The following TMEM163 variants were observed in gnomAD, a reference collection of about 807,000 sequenced individuals.
TMEM163 encodes the protein transmembrane protein 163.
TMEM163 carries 17 observed loss-of-function variants against 29.3 expected under a neutral mutation model. That is an observed-to-expected ratio of 0.58 (90% CI 0.40 to 0.87). The LOEUF (loss-of-function observed/expected upper bound fraction) is 0.87. TMEM163 is among the 40% of genes least tolerant of loss of function. TMEM163 has a pLI of 0.00. For synonymous variants in TMEM163, 157 were observed against 160.6 expected (o/e 0.98, Z 0.17); for missense variants, 303 against 381.5 (o/e 0.79, Z 1.71).
intron 2 of TMEM163, among the ~76,000 whole-genome samples, chr2:134,659,883 G>T (rs188860252): frequency 2.8e-4 from 42 of 151,982 alleles, no homozygotes; most frequent in Non-Finnish European, 4.6e-4. Flanking sequence ...GCTGCAGTGA[G>T]CTACAACCAC....
intron 1 of TMEM163, among the ~76,000 whole-genome samples, chr2:134,718,432 A>G (rs1334256472): frequency 6.6e-6 from 1 of 152,210 alleles, no homozygotes; most frequent in African/African-American, 2.4e-5. Flanking sequence ...CCTCCCGCAA[A>G]CTTTTCCCGT....
rs565478438 is a variant in TMEM163, at chr2:134,669,836, G to C, written c.322+43364C>G. Among the ~76,000 whole-genome samples, 25 of 152,284 alleles carry C rather than the reference G, an allele frequency of 1.6e-4. No homozygotes were observed. In the South Asian group the frequency reaches 5.2e-3, roughly 32 times the overall value. On this transcript the variant is annotated intron_variant, in intron 2 of 7. Transcript: ENST00000281924. ...GCCACCATGCTAGAGGGATGAGGTG[G>C]AAAGACTACGAGAAGAGAGATGGAC...
chr2:134,594,046 C>A (rs1204104545), intron 2 of TMEM163, among the ~76,000 whole-genome samples: 2 of 151,898 alleles, frequency 1.3e-5, no homozygotes, highest in Non-Finnish European at 2.9e-5. Flanking sequence ...AATGAAGAGA[C>A]AAGAAACAAA....
At chr2:134,599,831 C>T (rs1029448743) in intron 2 of TMEM163, among the ~76,000 whole-genome samples, 10 of 151,920 alleles carry the variant, frequency 6.6e-5, no homozygotes, top group Non-Finnish European at 1.3e-4. Flanking sequence ...CCACACCCAC[C>T]CATCCTATTC....
At chr2:134,501,447 C>A (rs1271626685) in intron 5 of TMEM163, among the ~76,000 whole-genome samples, 1 of 152,186 alleles carries the variant, frequency 6.6e-6, no homozygotes, top group Non-Finnish European at 1.5e-5. Flanking sequence ...ATGAGCCCTG[C>A]TGGAAATTAA....
At chr2:134,577,482 G>GA (rs1372984923) in intron 2 of TMEM163, among the ~76,000 whole-genome samples, 1 of 152,224 alleles carries the variant, frequency 6.6e-6, no homozygotes, top group Non-Finnish European at 1.5e-5. Context: ...GCTGAGGGCT[G>GA]CAGTGAGAGG....
chr2:134,694,015 T>C (rs1335064553), intron 2 of TMEM163, among the ~76,000 whole-genome samples: 2 of 152,176 alleles, frequency 1.3e-5, no homozygotes, highest in East Asian at 3.9e-4. Context: ...CTATCTCTTA[T>C]GAGCTTGGAA....
intron 2 of TMEM163, among the ~76,000 whole-genome samples, chr2:134,643,053 T>C (rs1344664081): frequency 6.6e-6 from 1 of 151,284 alleles, no homozygotes; most frequent in African/African-American, 2.4e-5. Flanking sequence ...GCAAAATAAA[T>C]GAAACAAAAA....
intron 2 of TMEM163, among the ~76,000 whole-genome samples, chr2:134,656,799 A>G (rs1683631065): frequency 6.6e-6 from 1 of 152,200 alleles, no homozygotes; most frequent in Non-Finnish European, 1.5e-5. Context: ...GGTTTTTATC[A>G]TGAAGGGATG....
intron 2 of TMEM163, among the ~76,000 whole-genome samples, chr2:134,693,906 C>G (rs1055269732): frequency 6.6e-6 from 1 of 152,118 alleles, no homozygotes; most frequent in Non-Finnish European, 1.5e-5. Flanking sequence ...CAAAACAACA[C>G]AATAAGCTCG....
intron 2 of TMEM163, among the ~76,000 whole-genome samples, chr2:134,585,463 G>A (rs899561463): frequency 6.6e-6 from 1 of 152,200 alleles, no homozygotes; most frequent in Admixed American, 6.5e-5. Context: ...ACCTGGAATG[G>A]CCGAGTGGGG....
intron 2 of TMEM163, among the ~76,000 whole-genome samples, chr2:134,611,145 G>GT (rs1326218447): frequency 2.0e-5 from 3 of 152,184 alleles, no homozygotes; most frequent in Admixed American, 2.0e-4. Context: ...CCAAAAGTCA[G>GT]TTACTACATC....
intron 4 of TMEM163, among the ~76,000 whole-genome samples, chr2:134,526,790 T>A (rs1680308235): frequency 6.6e-6 from 1 of 152,240 alleles, no homozygotes; most frequent in South Asian, 2.1e-4. Flanking sequence ...AAGTTCCATG[T>A]CTGCTTTTGC....
chr2:134,543,155 G>A (rs16830773), intron 4 of TMEM163, among the ~76,000 whole-genome samples: 1 of 152,014 alleles, frequency 6.6e-6, no homozygotes, highest in Non-Finnish European at 1.5e-5. Flanking sequence ...CCTTCCTCTA[G>A]TGCATCTTAC....
At chr2:134,606,027 C>A (rs975725073) in intron 2 of TMEM163, among the ~76,000 whole-genome samples, 1 of 152,038 alleles carries the variant, frequency 6.6e-6, no homozygotes, top group Non-Finnish European at 1.5e-5. Context: ...ATTGAGTATA[C>A]GCGGGGGGCA....
At chr2:134,681,374 C>T (rs1451452488) in intron 2 of TMEM163, among the ~76,000 whole-genome samples, 1 of 152,206 alleles carries the variant, frequency 6.6e-6, no homozygotes, top group East Asian at 1.9e-4. Context: ...AGCCTCACAG[C>T]TCTTCCCACA....
rs77991877 is a variant in TMEM163, at chr2:134,601,259, C to T, written c.323-49168G>A. ...GTGTAATGCAAAAGCATCATAGGCC[C>T]TAAGCACTTCATCTGTTCTAGCTAA... is the stretch of plus-strand genomic sequence containing the variant. On this transcript the variant is annotated intron_variant, in intron 2 of 7. Coordinates refer to ENST00000281924, the MANE Select transcript of TMEM163 (RefSeq NM_030923.5). 8.1e-3 allele frequency among the ~76,000 whole-genome samples: 1,232 copies of T among 152,232 alleles called. 50 individuals are homozygous for T. Among genetic ancestry groups the T allele is most frequent in the Admixed American group, 0.059 (903 of 15,284 alleles).
At chr2:134,607,658 G>A (rs1558962526) in intron 2 of TMEM163, among the ~76,000 whole-genome samples, 1 of 30,942 alleles carries the variant, frequency 3.2e-5, no homozygotes, top group Non-Finnish European at 6.7e-5. Flanking sequence ...CGAGAACTGT[G>A]CTGGTGAAAA....
chr2:134,516,771 AT>A (rs1463266873), intron 4 of TMEM163, among the ~76,000 whole-genome samples: 6 of 148,634 alleles, frequency 4.0e-5, no homozygotes, highest in Non-Finnish European at 8.9e-5. Flanking sequence ...ATATATGTGC[AT>A]ATCTATTCAT....
Sources: allele counts gnomAD v4.1 joint callset (sites outside exome capture counted in the v4.1 genomes callset), GRCh38; gene constraint gnomAD v4.1.1; transcripts MANE v1.5; gene names NCBI Gene and HGNC (gene_info 2026-07-23, HGNC 2026-07-21).